The following ACADM variants were observed in gnomAD, a reference collection of about 807,000 sequenced individuals.
ACADM encodes medium-chain specific acyl-CoA dehydrogenase, mitochondrial.
In ACADM, 49 loss-of-function variants were observed where a neutral mutation model predicts 58.9. The observed-to-expected ratio is 0.83, with a 90% CI of 0.66 to 1.06. The LOEUF is 1.06. ACADM is among the 50% of genes least tolerant of loss of function. The pLI, the probability that ACADM is intolerant of heterozygous loss-of-function variation, is 0.00. For missense variants in ACADM, 496 were observed against 507.0 expected, an observed-to-expected ratio of 0.98 and a Z score of 0.21; for synonymous variants, 160 against 157.7, an observed-to-expected ratio of 1.01 and a Z score of -0.11.
intron 1 of ACADM, among the ~76,000 whole-genome samples, chr1:75,727,876 T>C (rs1176902915): frequency 6.6e-6 from 1 of 152,088 alleles, no homozygotes; most frequent in African/African-American, 2.4e-5. Flanking sequence ...ATACAGAACA[T>C]GGTTTTATGC....
Position 75,740,022 on chromosome 1 carries a change from G to C in ACADM, c.511G>C (p.Gly171Arg). Residue 171 changes from glycine (G) to arginine (R), a missense_variant, in exon 7 of 12, where the codon GGT becomes CGT. By Grantham distance (125) the Gly-to-Arg change is moderately radical. Transcript: ENST00000370841. ...TEPGAGSDVAGIKTKAEKKGD... is the reference protein window; with the variant it reads ...TEPGAGSDVARIKTKAEKKGD... ...ACCTGGAGCAGGCTCTGATGTAGCT[G>C]GTATAAAGACCAAAGCAGAAAAGAA... is the stretch of plus-strand genomic sequence containing the variant. 1 of 1,612,684 alleles carries C rather than the reference G, an allele frequency of 6.2e-7. No homozygotes were observed. Among genetic ancestry groups the C allele is most frequent in the Non-Finnish European group, 8.5e-7 (1 of 1,179,014 alleles).
chr1:75,734,858 A>G lies in ACADM; in HGVS notation c.455A>G (p.Glu152Gly). 6.2e-7 allele frequency: 1 copy of G among 1,613,324 alleles called. No homozygotes were observed. Among genetic ancestry groups the G allele is most frequent in the Non-Finnish European group, 8.5e-7 (1 of 1,179,300 alleles). Residue 152 changes from glutamate to glycine, a missense_variant, in exon 6 of 12, where the codon GAG becomes GGG. Transcript: ENST00000370841. ...KKKYLGRMTE[E>G]PLMCAYCVTE... ...AAGTATTTGGGGAGAATGACTGAGG[A>G]GCCATTGATGTGTGTGAGTATGTGT...
At chr1:75,754,583 T>C (rs550635668) in intron 10 of ACADM, among the ~76,000 whole-genome samples, 2 of 152,322 alleles carry the variant, frequency 1.3e-5, no homozygotes, top group South Asian at 4.1e-4. Context: ...GAATCCACAA[T>C]TAAATAATTG....
intron 4 of ACADM, chr1:75,733,292 G>C: frequency 7.1e-6 from 9 of 1,262,706 alleles, no homozygotes; most frequent in Non-Finnish European, 7.5e-6. Flanking sequence ...ACAAAATCAA[G>C]TTAGAACAGG....
chr1:75,749,712 C>CTTTTTTT (rs35897798), intron 9 of ACADM, among the ~76,000 whole-genome samples, 153 bp downstream of exon 9: 1 of 118,162 alleles, frequency 8.5e-6, no homozygotes, highest in African/African-American at 3.4e-5. Flanking sequence ...ACTTTTCTTT[C>CTTTTTTT]TTTTTTTTTT....
chr1:75,726,793 T>A (rs1215343645), intron 1 of ACADM, among the ~76,000 whole-genome samples: 1 of 149,808 alleles, frequency 6.7e-6, no homozygotes. Context: ...CCAGAGAAAC[T>A]GTTTCACTTT....
rs1047298018 is a variant in ACADM, at chr1:75,725,188, A to C, written c.30+371A>C. On this transcript the variant is annotated intron_variant, in intron 1 of 11. Coordinates refer to ENST00000370841, the MANE Select transcript of ACADM (RefSeq NM_000016.6). ...GAAAAATGGAGCAGCTACTCCTTGA[A>C]ATACTTAATGTTTAATAAGCTTTTC... Among the ~76,000 whole-genome samples the C allele has an allele frequency of 2.0e-5, 3 of 152,136 alleles. No homozygotes were observed. The East Asian group carries it at 5.8e-4, about 29-fold the overall frequency.
chr1:75,739,704 G>A (rs561641602), intron 6 of ACADM, among the ~76,000 whole-genome samples: 3 of 152,286 alleles, frequency 2.0e-5, no homozygotes, highest in Admixed American at 6.5e-5. Context: ...ATACACGGGA[G>A]GCTGAGGCGG....
Position 75,728,416 on chromosome 1 carries a change from TC to T in ACADM, c.47del (p.Ser16PhefsTer20), listed in dbSNP as rs1325949559. 4 of 1,613,206 alleles carry T rather than the reference TC, an allele frequency of 2.5e-6. No homozygotes were observed. The African/African-American group carries it at 5.3e-5, about 22-fold the overall frequency. ...TTCTTTACAGGTCCTGAGAAGTATT[TC>T]TCGTTTTCATTGGAGATCACAGCAT... is the stretch of plus-strand genomic sequence containing the variant. ...GRCCRVLRSISRFHWRSQHTK... is the reference protein window; with the variant it reads ...GRCCRVLRSIXRFHWRSQHTK... On this transcript the variant is annotated frameshift_variant, in exon 2 of 12. Transcript: ENST00000370841. LOFTEE classifies it high-confidence loss of function.
At chr1:75,732,568 C>T in intron 2 of ACADM, 76 bp from the exon 3 acceptor site, 1 of 1,148,008 alleles carries the variant, frequency 8.7e-7, no homozygotes, top group South Asian at 1.2e-5. Context: ...AATAAATACA[C>T]ATTTCTACAT....
intron 10 of ACADM, among the ~76,000 whole-genome samples, chr1:75,752,138 A>G (rs77071684): frequency 0.019 from 2,896 of 151,724 alleles, 96 homozygotes; most frequent in African/African-American, 0.067. Flanking sequence ...GCACACTACC[A>G]TGCCTGCCTA....
intron 2 of ACADM, among the ~76,000 whole-genome samples, chr1:75,731,388 C>G (rs111703401): frequency 8.0e-5 from 12 of 149,888 alleles, no homozygotes; most frequent in African/African-American, 2.7e-4. Flanking sequence ...CAAATGATTA[C>G]TGTAGTCTTA....
chr1:75,748,318 G>A (rs1648011543), intron 8 of ACADM, among the ~76,000 whole-genome samples: 1 of 152,162 alleles, frequency 6.6e-6, no homozygotes, highest in Non-Finnish European at 1.5e-5. Flanking sequence ...AAAACAAAAA[G>A]TTGAGGGAAT....
intron 1 of ACADM, 43 bp from the exon 2 acceptor site, chr1:75,728,358 G>GT: frequency 6.6e-7 from 1 of 1,521,186 alleles, no homozygotes; most frequent in Non-Finnish European, 9.1e-7. Flanking sequence ...TCTGATTAAT[G>GT]TTTAACTTAT....
intron 10 of ACADM, chr1:75,755,097 A>G (rs2100433689): frequency 6.6e-6 from 1 of 152,580 alleles, no homozygotes; most frequent in African/African-American, 2.4e-5. Flanking sequence ...TGAGTAGGTA[A>G]ACAAAGTGGC....
intron 9 of ACADM, 51 bp downstream of exon 9, chr1:75,749,610 AAAT>A: frequency 6.7e-7 from 1 of 1,502,336 alleles, no homozygotes; most frequent in Middle Eastern, 2.0e-4. Context: ...TTATTACATT[AAAT>A]AAGTATTTTT....
At chr1:75,759,422 A>G (rs888127426) in intron 10 of ACADM, among the ~76,000 whole-genome samples, 4 of 152,230 alleles carry the variant, frequency 2.6e-5, no homozygotes, top group Non-Finnish European at 5.9e-5. Context: ...TGGAGATCCC[A>G]AGGAATTTAG....
At chr1:75,758,709 T>A (rs1648651090) in intron 10 of ACADM, among the ~76,000 whole-genome samples, 1 of 152,182 alleles carries the variant, frequency 6.6e-6, no homozygotes, top group Admixed American at 6.5e-5. Context: ...GCTAAAGGAT[T>A]GTAAACTCAC....
At chr1:75,736,173 T>TGC (rs1553123385) in intron 6 of ACADM, among the ~76,000 whole-genome samples, 1 of 144,444 alleles carries the variant, frequency 6.9e-6, no homozygotes, top group Non-Finnish European at 1.5e-5. Context: ...CACACAGACA[T>TGC]ACACACACAC....
Sources: allele counts gnomAD v4.1 joint callset (sites outside exome capture counted in the v4.1 genomes callset), GRCh38; gene constraint gnomAD v4.1.1; transcripts MANE v1.5; gene names NCBI Gene and HGNC (gene_info 2026-07-23, HGNC 2026-07-21).